Variants in ZNF385B observed in about 807,000 individuals in gnomAD.
ZNF385B encodes zinc finger protein 533.
Under a neutral mutation model 39.2 loss-of-function variants are expected in ZNF385B, and 23 were observed. That is an observed-to-expected ratio of 0.59 (90% confidence interval 0.42 to 0.83). The LOEUF is 0.83. Among genes scored for constraint, ZNF385B ranks in the 40% least tolerant of loss-of-function variants. ZNF385B has a pLI of 0.00. For synonymous variants in ZNF385B, 205 were observed against 222.6 expected, an observed-to-expected ratio of 0.92 and a Z score of 0.70; for missense variants, 552 against 598.9, an observed-to-expected ratio of 0.92 and a Z score of 0.82.
Position 179,519,059 on chromosome 2 carries a change from C to T in ZNF385B, c.442-421G>A, listed in dbSNP as rs111851070. Among the ~76,000 whole-genome samples, 1,454 of 152,280 alleles carry T rather than the reference C, an allele frequency of 9.5e-3. 28 individuals carry two copies. Among genetic ancestry groups the T allele is most frequent in the African/African-American group, 0.033 (1,383 of 41,556 alleles). ...GCAGTGGCGTGATCATAGTTCACTG[C>T]AGCCTCAACCTCCTGAGCTCAAGTG... On this transcript the variant is annotated intron_variant, in intron 4 of 9. Coordinates refer to ENST00000410066, the MANE Select transcript of ZNF385B (RefSeq NM_152520.6).
rs140106362 is a variant in ZNF385B at position 179,811,573 on chromosome 2, G to T, written c.-154-40901C>A. 1.2e-3 allele frequency among the ~76,000 whole-genome samples: 188 copies of T among 152,232 alleles called. 2 individuals carry two copies. The highest frequency in any genetic ancestry group is 0.01 in the East Asian group (53 of 5,186). ...GAAAAGGACTCCCTATTCAGTAAAT[G>T]GTGCTGAGATAGCTGGCTAGCCATA... On this transcript the variant is annotated intron_variant, in intron 1 of 9. Coordinates refer to ENST00000410066, the MANE Select transcript of ZNF385B (RefSeq NM_152520.6).
At chr2:179,715,204 C>G (rs1700257624) in intron 3 of ZNF385B, among the ~76,000 whole-genome samples, 1 of 138,156 alleles carries the variant, frequency 7.2e-6, no homozygotes, top group Non-Finnish European at 1.6e-5. Flanking sequence ...CAGCTCATGC[C>G]AAATCCTATA....
intron 3 of ZNF385B, among the ~76,000 whole-genome samples, chr2:179,605,526 A>G (rs1032854401): frequency 3.3e-5 from 5 of 152,184 alleles, no homozygotes; most frequent in Non-Finnish European, 4.4e-5. Flanking sequence ...ACATTGAGTC[A>G]TCAAAATGAA....
At chr2:179,640,101 C>T (rs1692130029) in intron 3 of ZNF385B, among the ~76,000 whole-genome samples, 1 of 152,124 alleles carries the variant, frequency 6.6e-6, no homozygotes, top group Non-Finnish European at 1.5e-5. Flanking sequence ...AGAACAACAA[C>T]AACAACAAAA....
At chr2:179,773,989 G>A (rs1409769113) in intron 1 of ZNF385B, among the ~76,000 whole-genome samples, 2 of 152,092 alleles carry the variant, frequency 1.3e-5, no homozygotes. Context: ...GGGATGGGAG[G>A]TGAGTGTGAT....
intron 6 of ZNF385B, among the ~76,000 whole-genome samples, chr2:179,470,040 C>T (rs190644682): frequency 2.0e-5 from 3 of 152,292 alleles, no homozygotes; most frequent in Non-Finnish European, 4.4e-5. Flanking sequence ...GACTCAGTGT[C>T]GTTGGGATCT....
At chr2:179,732,898 T>C (rs553273368) in intron 3 of ZNF385B, among the ~76,000 whole-genome samples, 6 of 152,324 alleles carry the variant, frequency 3.9e-5, no homozygotes, top group African/African-American at 1.4e-4. Context: ...GTTTTGGTCA[T>C]TCTTCCTTTA....
At chr2:179,671,603 C>T (rs1696009080) in intron 3 of ZNF385B, among the ~76,000 whole-genome samples, 1 of 152,180 alleles carries the variant, frequency 6.6e-6, no homozygotes, top group Admixed American at 6.5e-5. Context: ...CTGCCACCCT[C>T]ATCATAGGCA....
chr2:179,846,788 T>C (rs1708822553), intron 1 of ZNF385B, among the ~76,000 whole-genome samples: 2 of 152,266 alleles, frequency 1.3e-5, no homozygotes, highest in Non-Finnish European at 2.9e-5. Flanking sequence ...TCTGCATTTC[T>C]AACATGCTTC....
intron 4 of ZNF385B, among the ~76,000 whole-genome samples, chr2:179,519,514 G>C (rs1431830556): frequency 6.6e-6 from 1 of 152,078 alleles, no homozygotes; most frequent in Non-Finnish European, 1.5e-5. Flanking sequence ...TATATTCAGA[G>C]AAATATACAG....
chr2:179,648,912 A>G (rs1172260626), intron 3 of ZNF385B, among the ~76,000 whole-genome samples: 4 of 152,218 alleles, frequency 2.6e-5, no homozygotes, highest in Non-Finnish European at 5.9e-5. Context: ...AGATATTCAT[A>G]AGGTTTCAAA....
intron 1 of ZNF385B, among the ~76,000 whole-genome samples, chr2:179,817,649 CTG>C (rs1048160670): frequency 1.4e-5 from 2 of 146,750 alleles, no homozygotes; most frequent in African/African-American, 5.2e-5. Context: ...ACATCACTGT[CTG>C]TGTGTGTAAC....
chr2:179,522,440 G>A (rs1386746153), intron 4 of ZNF385B, among the ~76,000 whole-genome samples: 1 of 152,108 alleles, frequency 6.6e-6, no homozygotes, highest in Non-Finnish European at 1.5e-5. Flanking sequence ...GTTTCAGGAT[G>A]AATAAAAAGT....
chr2:179,691,692 G>C (rs73973678), intron 3 of ZNF385B, among the ~76,000 whole-genome samples: 6 of 152,074 alleles, frequency 3.9e-5, no homozygotes, highest in African/African-American at 1.2e-4. Flanking sequence ...AACTAAATGT[G>C]AATTTCAGAG....
chr2:179,855,665 A>C (rs187744), intron 1 of ZNF385B, among the ~76,000 whole-genome samples: 127,324 of 152,194 alleles, frequency 0.84, 54,568 homozygotes, highest in East Asian at 1. Context: ...ATGGTGCTGA[A>C]TATCTTGAAA....
intron 6 of ZNF385B, among the ~76,000 whole-genome samples, chr2:179,462,579 G>A (rs1224010955): frequency 6.6e-6 from 1 of 151,586 alleles, no homozygotes; most frequent in Non-Finnish European, 1.5e-5. Flanking sequence ...GATAGTTAAT[G>A]GATTAAAAAA....
chr2:179,799,476 A>T (rs1705894645), intron 1 of ZNF385B, among the ~76,000 whole-genome samples: 1 of 152,056 alleles, frequency 6.6e-6, no homozygotes, highest in African/African-American at 2.4e-5. Context: ...ATGTTGAAAT[A>T]TTGGTATGTA....
At chr2:179,537,758 CAAACA>C (rs1559431495) in intron 4 of ZNF385B, among the ~76,000 whole-genome samples, 8 of 99,746 alleles carry the variant, frequency 8.0e-5, no homozygotes, top group Non-Finnish European at 4.3e-5. Flanking sequence ...AACAAACAAA[CAAACA>C]AACAAAAAAA....
intron 3 of ZNF385B, among the ~76,000 whole-genome samples, chr2:179,749,907 T>G (rs772989441): frequency 3.3e-5 from 5 of 152,126 alleles, no homozygotes; most frequent in African/African-American, 4.8e-5. Context: ...AAGTTTATAT[T>G]CAGAAGCATT....
Sources: allele counts gnomAD v4.1 joint callset (sites outside exome capture counted in the v4.1 genomes callset), GRCh38; gene constraint gnomAD v4.1.1; transcripts MANE v1.5; gene names NCBI Gene and HGNC (gene_info 2026-07-23, HGNC 2026-07-21).